The following GPAA1 variants were observed in gnomAD, a reference collection of about 807,000 sequenced individuals.
The protein encoded by GPAA1 is glycosylphosphatidylinositol anchor attachment 1, also known as GPI-anchor transamidase component GPAA1.
GPAA1 carries 54 observed loss-of-function variants against 64.0 expected under a neutral mutation model. That is an observed-to-expected ratio of 0.84 (90% CI 0.68 to 1.06). The LOEUF is 1.06. GPAA1 is among the 50% of genes least tolerant of loss of function. GPAA1 has a pLI of 0.00. For missense variants in GPAA1, 780 were observed against 822.3 expected, an observed-to-expected ratio of 0.95 and a Z score of 0.63; for synonymous variants, 393 against 377.3, an observed-to-expected ratio of 1.04 and a Z score of -0.48.
At position 144,082,664 on chromosome 8, in the gene GPAA1, G is replaced by A. The variant is rs887780450; in HGVS notation, c.-67G>A. ...CGGGTCCCCGGGTCTGACAGGAGCA[G>A]CCTGTGGGCACCGCGGCGGTAGTTG... is the stretch of plus-strand genomic sequence containing the variant. On this transcript the variant is annotated 5_prime_UTR_variant, in exon 1 of 12. Coordinates refer to ENST00000355091, the MANE Select transcript of GPAA1 (RefSeq NM_003801.4). 1.6e-5 allele frequency: 18 copies of A among 1,154,590 alleles called. No individual in the cohort carries two copies. Among genetic ancestry groups the A allele is most frequent in the South Asian group, 1.2e-4 (7 of 58,626 alleles). The allele number at this position is 1,154,590 out of a possible 1,614,324, so 71.5% of individuals were successfully genotyped here. A position where few individuals can be genotyped will look rare whatever the true frequency, so the allele number is the denominator to read the frequency against.
Position 144,085,112 on chromosome 8 carries a change from C to T in GPAA1, c.1234C>T (p.Pro412Ser), listed in dbSNP as rs201114556. The change falls in exon 9 of 12, where the codon CCC becomes TCC. Residue 412 changes from proline (P) to serine (S), a missense_variant. By Grantham distance (74) the Pro-to-Ser change is moderately conservative. Transcript: ENST00000355091. ...GLEEPGGAPG[P>S]SVPLPPSQGV... is the part of the protein sequence containing the mutation. ...TGAGGAGCCCGGGGGTGCCCCTGGC[C>T]CCAGTGTACCCCTTCCCCCATCACA... 1 of 1,593,496 alleles carries T rather than the reference C, an allele frequency of 6.3e-7. No homozygotes were observed. The highest frequency in any genetic ancestry group is 8.6e-7 in the Non-Finnish European group (1 of 1,167,066).
Position 144,084,295 on chromosome 8 carries a change from C to T in GPAA1, c.778C>T (p.Gln260Ter), listed in dbSNP as rs782271769. The change falls in exon 6 of 12, where the codon CAG becomes TAG. Residue 260 changes from glutamine (Q) to a stop codon, truncating the protein, a stop_gained. Coordinates refer to ENST00000355091, the MANE Select transcript of GPAA1 (RefSeq NM_003801.4). LOFTEE classifies it high-confidence loss of function. ...DLLNLFQTFC[Q>*]KGGLLCTLQG... ...GCTCAATCTCTTCCAGACCTTCTGC[C>T]AGAAAGGGGGCCTGTTGTGCACGCT... 5.6e-6 allele frequency: 9 copies of T among 1,613,824 alleles called. No homozygotes were observed. The South Asian group carries it at 9.9e-5, about 18-fold the overall frequency.
At position 144,083,255 on chromosome 8, in the gene GPAA1, GTGCCCGGGCTTT is replaced by G; in HGVS notation, c.215_226del (p.Ala72_Arg75del). On this transcript the variant is annotated inframe_deletion, in exon 2 of 12. Coordinates refer to ENST00000355091, the MANE Select transcript of GPAA1 (RefSeq NM_003801.4). ...GAGGAGCAGTTTGCGGGCGGAGACC[GTGCCCGGGCTTT>G]TGCCCGGGACTTCGCCGCCCACCGC... The G allele has an allele frequency of 1.2e-6, 2 of 1,605,112 alleles. No individual in the cohort carries two copies. The highest frequency in any genetic ancestry group is 1.7e-6 in the Non-Finnish European group (2 of 1,174,398).
At position 144,084,601 on chromosome 8, in the gene GPAA1, A is replaced by G. The variant is rs1587593663; in HGVS notation, c.1002A>G (p.Ala334=). Reference sequence around the variant, plus strand: ...GCCAGTACAAGTATGACCTGGTGGCAGTGGGCAAGTAAGTAGTCTCTGGTC... The same window carrying G: ...GCCAGTACAAGTATGACCTGGTGGCGGTGGGCAAGTAAGTAGTCTCTGGTC... ...SFRQYKYDLV[A]VGKALEGMFR... The change falls in exon 7 of 12, where the codon GCA becomes GCG. Residue 334 remains alanine (A), a synonymous_variant. Coordinates refer to ENST00000355091, the MANE Select transcript of GPAA1 (RefSeq NM_003801.4). 1 of 1,611,396 alleles carries G rather than the reference A, an allele frequency of 6.2e-7. No homozygotes were observed. The highest frequency in any genetic ancestry group is 8.5e-7 in the Non-Finnish European group (1 of 1,177,882).
chr8:144,083,617 CCTGGTGGGCA>C lies in GPAA1; in HGVS notation c.367-92_367-83del, dbSNP rs1320363670. The C allele has an allele frequency of 2.1e-6, 3 of 1,433,858 alleles. No individual in the cohort carries two copies. The African/African-American group carries it at 4.2e-5, about 20-fold the overall frequency. The allele number at this position is 1,433,858 out of a possible 1,614,324, so 88.8% of individuals were successfully genotyped here. A position where few individuals can be genotyped will look rare whatever the true frequency, so the allele number is the denominator to read the frequency against. On this transcript the variant is annotated intron_variant, in intron 3 of 11. Coordinates refer to ENST00000355091, the MANE Select transcript of GPAA1 (RefSeq NM_003801.4). ...CAGGAAGCTCAGTGGGAGGGAAATC[CCTGGTGGGCA>C]CTGGAGGGCTAGGAAAGTTGTGGGG...
At position 144,084,878 on chromosome 8, in the gene GPAA1, A is replaced by G. The variant is rs1440651779; in HGVS notation, c.1164+3A>G. On this transcript the variant is annotated splice_donor_region_variant and intron_variant, in intron 8 of 11. Coordinates refer to ENST00000355091, the MANE Select transcript of GPAA1 (RefSeq NM_003801.4). ...TGCTCCTGGTCCTTGGTCTCAAGAT[A>G]TCCTCTGCCCCTTGCCATCTACCTG... The G allele has an allele frequency of 3.1e-6, 5 of 1,613,202 alleles. No individual in the cohort carries two copies. Among genetic ancestry groups the G allele is most frequent in the Non-Finnish European group, 4.2e-6 (5 of 1,179,906 alleles).
Position 144,084,553 on chromosome 8 carries a change from C to T in GPAA1, c.954C>T (p.Thr318=), listed in dbSNP as rs782467408. The T allele has an allele frequency of 1.9e-6, 3 of 1,613,924 alleles. No homozygotes were observed. Among genetic ancestry groups the T allele is most frequent in the Admixed American group, 1.7e-5 (1 of 60,016 alleles). ...TGCGCTACCGTGTGGAGGCCCTAAC[C>T]CTGCGTGGCATCAATAGCTTCCGCC... ...LFLRYRVEAL[T]LRGINSFRQY... Residue 318 remains threonine, a synonymous_variant, in exon 7 of 12, where the codon ACC becomes ACT. Coordinates refer to ENST00000355091, the MANE Select transcript of GPAA1 (RefSeq NM_003801.4).
At chr8:144,082,863 C>T (rs1835931540) in intron 1 of GPAA1, 59 bp downstream of exon 1, 1 of 1,275,582 alleles carries the variant, frequency 7.8e-7, no homozygotes, top group Non-Finnish European at 1.0e-6. Context: ...GCCGGCGGCC[C>T]CATGCGCGGT....
At chr8:144,082,913 C>T (rs1285168269) in intron 1 of GPAA1, 109 bp downstream of exon 1, 3 of 984,718 alleles carry the variant, frequency 3.0e-6, no homozygotes, top group South Asian at 1.9e-5. Flanking sequence ...GCTCGCGCCC[C>T]TCCGGCTGCT....
At chr8:144,082,861 C>A (rs909186255) in intron 1 of GPAA1, 57 bp downstream of exon 1, 42 of 1,282,714 alleles carry the variant, frequency 3.3e-5, no homozygotes, top group Non-Finnish European at 4.2e-5. Flanking sequence ...GCGCCGGCGG[C>A]CCCATGCGCG....
At position 144,085,408 on chromosome 8, in the gene GPAA1, G is replaced by T; in HGVS notation, c.1380G>T (p.Glu460Asp). 6.2e-7 allele frequency: 1 copy of T among 1,606,324 alleles called. No homozygotes were observed. Residue 460 changes from glutamate to aspartate, a missense_variant, in exon 10 of 12, where the codon GAG (glutamate) becomes GAT (aspartate). Transcript: ENST00000355091. Reference sequence around the variant, plus strand: ...CCACCCAGCACTTCCCAGTGGCAGAGGCTGAGGCTGTGGTGCTGACACTGC... The same window carrying T: ...CCACCCAGCACTTCCCAGTGGCAGATGCTGAGGCTGTGGTGCTGACACTGC... ...HVATQHFPVA[E>D]AEAVVLTLLA... is the part of the protein sequence containing the mutation.
chr8:144,084,468 T>A lies in GPAA1; in HGVS notation c.869T>A (p.Leu290Gln). ...LDGPLQGLQT[L>Q]LLMVLRQASG... The stretch of plus-strand genomic sequence containing the variant: ...GGACCGCTGCAGGGCCTGCAGACAC[T>A]GCTGCTCATGGTTCTGCGGCAGGCC... The change falls in exon 7 of 12, where the codon CTG (leucine) becomes CAG (glutamine). Residue 290 changes from leucine to glutamine, a missense_variant. Coordinates refer to ENST00000355091, the MANE Select transcript of GPAA1 (RefSeq NM_003801.4). 1 of 1,613,426 alleles carries A rather than the reference T, an allele frequency of 6.2e-7. No individual in the cohort carries two copies. The highest frequency in any genetic ancestry group is 8.5e-7 in the Non-Finnish European group (1 of 1,179,962).
At chr8:144,084,098 C>A (rs1248836817) in intron 5 of GPAA1, 36 bp from the exon 6 acceptor site, 2 of 1,609,060 alleles carry the variant, frequency 1.2e-6, no homozygotes, top group Non-Finnish European at 1.7e-6. Flanking sequence ...GTCCTCACCA[C>A]GTCCTCCATT....
chr8:144,085,923 C>G lies in GPAA1; in HGVS notation c.1664C>G (p.Ala555Gly). 2 of 1,610,066 alleles carry G rather than the reference C, an allele frequency of 1.2e-6. No individual in the cohort carries two copies. The highest frequency in any genetic ancestry group is 1.7e-6 in the Non-Finnish European group (2 of 1,179,582). Residue 555 changes from alanine to glycine, a missense_variant, in exon 12 of 12, where the codon GCC becomes GGC. Coordinates refer to ENST00000355091, the MANE Select transcript of GPAA1 (RefSeq NM_003801.4). The part of the protein sequence containing the change: ...AALLVLTSPA[A>G]TLLGSLFLWR... ...CTGCTGGTGCTGACCAGCCCGGCAG[C>G]CACGCTCCTTGGCAGCCTGTTCCTG...
At position 144,084,421 on chromosome 8, in the gene GPAA1, C is replaced by T. The variant is rs368735326; in HGVS notation, c.822C>T (p.Pro274=). Residue 274 remains proline, a synonymous_variant, in exon 7 of 12, where the codon CCC becomes CCT. Transcript: ENST00000355091. ...LLCTLQGKLQ[P]EDWTSLDGPL... The stretch of plus-strand genomic sequence containing the variant: ...GTCCTGCACCTCTAAAGCTGCAGCC[C>T]GAGGACTGGACATCATTGGATGGAC... 2.4e-5 allele frequency: 38 copies of T among 1,611,408 alleles called. No individual in the cohort carries two copies. The highest frequency in any genetic ancestry group is 1.9e-4 in the African/African-American group (14 of 74,892).
chr8:144,085,512 G>A (rs782519746), intron 10 of GPAA1, 33 bp downstream of exon 10: 1 of 1,604,624 alleles, frequency 6.2e-7, no homozygotes, highest in South Asian at 1.1e-5. Flanking sequence ...GGGGGCAGGG[G>A]TAGAGGTCCC....
Position 144,085,277 on chromosome 8 carries a change from T to G in GPAA1, c.1261-12T>G, listed in dbSNP as rs782262512. 37 of 1,588,380 alleles carry G rather than the reference T, an allele frequency of 2.3e-5. No homozygotes were observed. In the South Asian group the frequency reaches 4.0e-4, roughly 17 times the overall value. ...CCCAGGGTCCATCTCCAAGAGCCTG[T>G]GTGCCCTGCAGGGTGTGGGGCTGGC... is the stretch of plus-strand genomic sequence containing the variant. On this transcript the variant is annotated splice_polypyrimidine_tract_variant and intron_variant, in intron 9 of 11. Coordinates refer to ENST00000355091, the MANE Select transcript of GPAA1 (RefSeq NM_003801.4).
rs1835950976 is a variant in GPAA1, at chr8:144,083,957, A to G, written c.533A>G (p.Lys178Arg). ...CCTCCAGGGCAGATTTATTGGGCCAAAGATATCGTCTTCCTGGTAACAGAA... is the reference window on the plus strand; with the variant it reads ...CCTCCAGGGCAGATTTATTGGGCCAGAGATATCGTCTTCCTGGTAACAGAA... ...AHFRGQIYWA[K>R]DIVFLVTEHD... The change falls in exon 5 of 12, where the codon AAA (lysine) becomes AGA (arginine). Residue 178 changes from lysine (K) to arginine (R), a missense_variant. By Grantham distance (26) the Lys-to-Arg change is conservative. Transcript: ENST00000355091. The G allele has an allele frequency of 1.2e-6, 2 of 1,613,848 alleles. No homozygotes were observed. The highest frequency in any genetic ancestry group is 1.3e-5 in the African/African-American group (1 of 74,852).
rs1554763642 is a variant in GPAA1 at position 144,082,691 on chromosome 8, A to G, written c.-40A>G. ...CTGTGGGCACCGCGGCGGTAGTTGG[A>G]GGCGGGAGAGGGTCCGTAGCCGCGC... On this transcript the variant is annotated 5_prime_UTR_variant, in exon 1 of 12. Coordinates refer to ENST00000355091, the MANE Select transcript of GPAA1 (RefSeq NM_003801.4). 7.6e-7 allele frequency: 1 copy of G among 1,316,446 alleles called. No individual in the cohort carries two copies. Among genetic ancestry groups the G allele is most frequent in the Admixed American group, 3.0e-5 (1 of 33,160 alleles). 81.5% of individuals were successfully genotyped at this position (1,316,446 alleles called of 1,614,324 possible). A position where few individuals can be genotyped will look rare whatever the true frequency, so the allele number is the denominator to read the frequency against.
Sources: allele counts gnomAD v4.1 joint callset, GRCh38; gene constraint gnomAD v4.1.1; transcripts MANE v1.5; gene names NCBI Gene and HGNC (gene_info 2026-07-23, HGNC 2026-07-21).